The following SPMIP3 variants were observed in gnomAD, a reference collection of about 807,000 sequenced individuals.
SPMIP3 encodes the protein sperm microtubule inner protein 3.
At chr1:244,375,408 C>T in the SPMIP3 span, 1 of 1,613,956 alleles carries the variant, frequency 6.2e-7, no homozygotes, top group Non-Finnish European at 8.5e-7. Context: ...ACGTTCAAGG[C>T]TATTACCCTG....
the SPMIP3 span, among the ~76,000 whole-genome samples, chr1:244,373,280 T>C: frequency 7.3e-6 from 1 of 136,520 alleles, no homozygotes; most frequent in Non-Finnish European, 1.6e-5. Flanking sequence ...ATGAACCTTG[T>C]TAAACATCTC....
the SPMIP3 span, among the ~76,000 whole-genome samples, chr1:244,367,082 A>G: frequency 1.3e-5 from 2 of 151,906 alleles, no homozygotes; most frequent in African/African-American, 4.8e-5. Context: ...AGGGGGTGGG[A>G]GAAGGGTGCG....
At chr1:244,375,528 G>T in the SPMIP3 span, 4 of 1,324,850 alleles carry the variant, frequency 3.0e-6, no homozygotes, top group Admixed American at 1.8e-5. Context: ...TGATAAAAAG[G>T]GGTCGGCGGG....
At chr1:244,371,568 G>T in the SPMIP3 span, among the ~76,000 whole-genome samples, 6 of 152,234 alleles carry the variant, frequency 3.9e-5, no homozygotes, top group Admixed American at 3.9e-4. Context: ...TGGTGCTGGT[G>T]CTGGGATTCT....
chr1:244,357,514 G>T, the SPMIP3 span, among the ~76,000 whole-genome samples: 1 of 151,802 alleles, frequency 6.6e-6, no homozygotes, highest in Non-Finnish European at 1.5e-5. Context: ...TTGGGGACCA[G>T]CCTGACAAAC....
the SPMIP3 span, among the ~76,000 whole-genome samples, chr1:244,381,078 C>G: frequency 6.6e-6 from 1 of 151,742 alleles, no homozygotes; most frequent in Admixed American, 6.6e-5. Flanking sequence ...TAGGGGTTGC[C>G]GTCCCAAGGA....
the SPMIP3 span, among the ~76,000 whole-genome samples, chr1:244,365,483 G>A: frequency 6.6e-6 from 1 of 152,060 alleles, no homozygotes; most frequent in African/African-American, 2.4e-5. Flanking sequence ...CTCCTCCTTT[G>A]CCTTCTGCCA....
the SPMIP3 span, among the ~76,000 whole-genome samples, chr1:244,372,342 T>G: frequency 6.6e-6 from 1 of 152,232 alleles, no homozygotes; most frequent in Non-Finnish European, 1.5e-5. Context: ...AAATGTTGGT[T>G]GAGTCGAACT....
the SPMIP3 span, chr1:244,364,726 T>G: frequency 6.2e-7 from 1 of 1,614,142 alleles, no homozygotes; most frequent in Admixed American, 1.7e-5. Context: ...CTACGAGAAT[T>G]TATTGAGCGT....
At chr1:244,373,193 C>T in the SPMIP3 span, among the ~76,000 whole-genome samples, 43 of 151,362 alleles carry the variant, frequency 2.8e-4, no homozygotes, top group Non-Finnish European at 4.9e-4. Flanking sequence ...CCAGGCTGGG[C>T]AACATAATGA....
chr1:244,360,945 T>C, the SPMIP3 span, among the ~76,000 whole-genome samples: 1 of 150,764 alleles, frequency 6.6e-6, no homozygotes, highest in African/African-American at 2.4e-5. Context: ...TGGAGGACAT[T>C]ATATCAAGTA....
At chr1:244,379,248 T>C in the SPMIP3 span, among the ~76,000 whole-genome samples, 1 of 150,062 alleles carries the variant, frequency 6.7e-6, no homozygotes, top group Non-Finnish European at 1.5e-5. Context: ...TTTTTTTAAA[T>C]TAGAGACATG....
the SPMIP3 span, chr1:244,389,058 A>T: frequency 6.2e-7 from 1 of 1,611,250 alleles, no homozygotes. Flanking sequence ...AAATGCTTTT[A>T]AACTAAAATA....
chr1:244,367,747 T>G, the SPMIP3 span, among the ~76,000 whole-genome samples: 1 of 151,986 alleles, frequency 6.6e-6, no homozygotes, highest in Non-Finnish European at 1.5e-5. Context: ...TAGGCAGGAG[T>G]GGCCAATGGA....
chr1:244,378,923 A>ATTTATT, the SPMIP3 span, among the ~76,000 whole-genome samples: 1,189 of 151,746 alleles, frequency 7.8e-3, 20 homozygotes, highest in African/African-American at 0.027. Context: ...TTTATCTTTT[A>ATTTATT]TTTATTTTTA....
At chr1:244,367,233 A>G in the SPMIP3 span, among the ~76,000 whole-genome samples, 7 of 152,140 alleles carry the variant, frequency 4.6e-5, no homozygotes, top group Non-Finnish European at 7.4e-5. Context: ...GGCCTACAAT[A>G]GTGAGTCTGG....
At chr1:244,378,530 A>G in the SPMIP3 span, 3 of 1,613,832 alleles carry the variant, frequency 1.9e-6, no homozygotes, top group African/African-American at 2.7e-5. Context: ...AATTAGACCA[A>G]CAAACACTCA....
At chr1:244,356,081 A>C in the SPMIP3 span, among the ~76,000 whole-genome samples, 2 of 152,208 alleles carry the variant, frequency 1.3e-5, no homozygotes, top group Non-Finnish European at 2.9e-5. Context: ...GTGGACAATT[A>C]TGTCATTTGC....
At chr1:244,367,649 C>T in the SPMIP3 span, among the ~76,000 whole-genome samples, 2 of 152,208 alleles carry the variant, frequency 1.3e-5, no homozygotes, top group East Asian at 3.9e-4. Flanking sequence ...ACAGCCCAGC[C>T]TTAGGCCTCC....
Sources: allele counts gnomAD v4.1 joint callset (sites outside exome capture counted in the v4.1 genomes callset), GRCh38; gene constraint gnomAD v4.1.1; transcripts MANE v1.5; gene names NCBI Gene and HGNC (gene_info 2026-07-23, HGNC 2026-07-21).